PTPRE: variants seen among roughly 807,000 people sequenced by gnomAD.
PTPRE encodes protein tyrosine phosphatase receptor type E, also known as receptor-type tyrosine-protein phosphatase epsilon.
PTPRE carries 51 observed loss-of-function variants against 102.0 expected under a neutral mutation model. That is an observed-to-expected ratio of 0.50 (90% CI 0.40 to 0.63). The LOEUF (loss-of-function observed/expected upper bound fraction) is 0.63, where lower values mean the gene tolerates loss of function less well. PTPRE is among the 30% of genes least tolerant of loss of function. PTPRE has a pLI of 0.00. For synonymous variants in PTPRE, 345 were observed against 348.2 expected, an observed-to-expected ratio of 0.99 and a Z score of 0.10; for missense variants, 752 against 915.1, an observed-to-expected ratio of 0.82 and a Z score of 2.30.
At chr10:128,079,364 T>C (rs1590256125) in intron 19 of PTPRE, among the ~76,000 whole-genome samples, 196 bp from the exon 20 acceptor site, 1 of 152,324 alleles carries the variant, frequency 6.6e-6, no homozygotes, top group Non-Finnish European at 1.5e-5. Flanking sequence ...GGAGGTGTTT[T>C]AGGAATTTTA....
Position 128,047,425 on chromosome 10 carries a change from G to T in PTPRE, c.145G>T (p.Ala49Ser). The change falls in exon 4 of 21, where the codon GCC (alanine) becomes TCC (serine). Residue 49 changes from alanine to serine, a missense_variant. Around this residue, in one of 2 missense-constraint regions of PTPRE, gnomAD observed 116 missense variants for 90.8 expected, o/e 1.28. Transcript: ENST00000254667. ...PDPGASQPLL[A>S]WLLLPLLLLL... The stretch of plus-strand genomic sequence containing the variant: ...CCCGGGCGCCTCCCAGCCGCTGCTG[G>T]CCTGGCTGCTACTGCCGCTGCTGCT... 6.2e-7 allele frequency: 1 copy of T among 1,613,172 alleles called. No homozygotes were observed. The highest frequency in any genetic ancestry group is 2.2e-5 in the East Asian group (1 of 44,880).
At chr10:127,932,960 T>C (rs1847557683) in intron 1 of PTPRE, among the ~76,000 whole-genome samples, 1 of 152,190 alleles carries the variant, frequency 6.6e-6, no homozygotes, top group Admixed American at 6.5e-5. Context: ...CCCGATGCTT[T>C]AGCGGGTGGC....
intron 2 of PTPRE, among the ~76,000 whole-genome samples, chr10:128,004,646 A>G (rs1041253903): frequency 6.6e-6 from 1 of 152,182 alleles, no homozygotes. Flanking sequence ...CTCATTCATC[A>G]GTGGATGAAC....
intron 1 of PTPRE, among the ~76,000 whole-genome samples, chr10:127,978,800 C>A (rs190417214): frequency 2.5e-4 from 38 of 152,186 alleles, no homozygotes; most frequent in Admixed American, 1.8e-3. Context: ...GAGGGTGGAT[C>A]ACTTGAGGTC....
rs1033210761 is a variant in PTPRE, at chr10:128,079,668, T to G, written c.2001T>G (p.Leu667=). The G allele has an allele frequency of 6.2e-7, 1 of 1,613,718 alleles. No individual in the cohort carries two copies. The highest frequency in any genetic ancestry group is 8.5e-7 in the Non-Finnish European group (1 of 1,179,712). The change falls in exon 20 of 21, where the codon CTT becomes CTG. Residue 667 remains leucine, a synonymous_variant. Transcript: ENST00000254667. ...TTCAAGCTGTGAAGAGTTTACGACT[T>G]CAGAGACCACATATGGTGCAAACCC... is the stretch of plus-strand genomic sequence containing the variant. ...DVFQAVKSLR[L]QRPHMVQTLE...
At chr10:128,043,665 C>T (rs928443547) in intron 3 of PTPRE, among the ~76,000 whole-genome samples, 1 of 152,004 alleles carries the variant, frequency 6.6e-6, no homozygotes, top group Non-Finnish European at 1.5e-5. Flanking sequence ...GAAACACTTG[C>T]GAGACACAAA....
chr10:127,907,659 G>C lies in PTPRE; in HGVS notation c.-31+350G>C, dbSNP rs1330426904. ...GGGGGCCGGCGGCAGGGCGGCGTAC[G>C]TGAAAGCGGGCGACACAGAGAGGGG... On this transcript the variant is annotated intron_variant, in intron 1 of 20. Coordinates refer to ENST00000254667, the MANE Select transcript of PTPRE (RefSeq NM_006504.6). The surrounding 1 kb of genome is among the most constrained non-coding windows in gnomAD (Gnocchi z 4.8). Among the ~76,000 whole-genome samples, 2 of 152,114 alleles carry C rather than the reference G, an allele frequency of 1.3e-5. No homozygotes were observed. Among genetic ancestry groups the C allele is most frequent in the Admixed American group, 6.5e-5 (1 of 15,286 alleles).
intron 2 of PTPRE, among the ~76,000 whole-genome samples, chr10:128,013,445 A>C (rs1251708829): frequency 6.6e-6 from 1 of 152,174 alleles, no homozygotes; most frequent in African/African-American, 2.4e-5. Context: ...AGTAGAAAGG[A>C]GTTTGATGGA....
At chr10:127,911,220 A>G (rs745315746) in intron 1 of PTPRE, among the ~76,000 whole-genome samples, 3 of 152,234 alleles carry the variant, frequency 2.0e-5, no homozygotes, top group Non-Finnish European at 4.4e-5. Flanking sequence ...TAATTTTTGC[A>G]TGGCAATCTA....
rs143511195 is a variant in PTPRE, at chr10:128,070,900, G to A, written c.1386G>A (p.Pro462=). 7 of 1,613,144 alleles carry A rather than the reference G, an allele frequency of 4.3e-6. No homozygotes were observed. Among genetic ancestry groups the A allele is most frequent in the Admixed American group, 1.7e-5 (1 of 60,010 alleles). ...MKKARVIQII[P]YDFNRVILSM... The stretch of plus-strand genomic sequence containing the variant: ...AGGCCAGGGTCATCCAGATCATCCC[G>A]TGTAAGGCACCCGTGGCGTGGCTTG... The change falls in exon 15 of 21, where the codon CCG becomes CCA. Residue 462 remains proline, a splice_region_variant and synonymous_variant. Coordinates refer to ENST00000254667, the MANE Select transcript of PTPRE (RefSeq NM_006504.6). This position sits in a 1 kb window ranked among gnomAD's most constrained non-coding sequence, Gnocchi z 4.8.
chr10:127,970,196 C>T (rs898664977), intron 1 of PTPRE, among the ~76,000 whole-genome samples: 1 of 152,198 alleles, frequency 6.6e-6, no homozygotes, highest in Non-Finnish European at 1.5e-5. Context: ...AGGGAGGGAA[C>T]TTGGGTGGGG....
chr10:127,975,032 C>T (rs763664211), intron 1 of PTPRE, among the ~76,000 whole-genome samples: 5 of 152,160 alleles, frequency 3.3e-5, no homozygotes, highest in African/African-American at 4.8e-5. Flanking sequence ...AGGAGGGATA[C>T]AACCAGGGCA....
intron 2 of PTPRE, among the ~76,000 whole-genome samples, chr10:127,997,439 G>A (rs1428324168): frequency 6.6e-6 from 1 of 152,218 alleles, no homozygotes; most frequent in Non-Finnish European, 1.5e-5. Flanking sequence ...AGCCTCAGAG[G>A]ACCAGCGTCG....
At chr10:128,007,131 G>A (rs529749994) in intron 2 of PTPRE, among the ~76,000 whole-genome samples, 1 of 152,084 alleles carries the variant, frequency 6.6e-6, no homozygotes, top group African/African-American at 2.4e-5. Flanking sequence ...CAAGCAAGGG[G>A]TTCTCTCTCA....
chr10:128,019,664 G>A (rs1319016912), intron 2 of PTPRE, among the ~76,000 whole-genome samples: 3 of 149,144 alleles, frequency 2.0e-5, no homozygotes, highest in Non-Finnish European at 4.5e-5. Flanking sequence ...CATTAAGCAC[G>A]TGTTCATCAG....
At chr10:127,917,417 C>T (rs1846287288) in intron 1 of PTPRE, among the ~76,000 whole-genome samples, 1 of 152,148 alleles carries the variant, frequency 6.6e-6, no homozygotes. Flanking sequence ...TGCAGTGGCT[C>T]ATGCCTGTAA....
chr10:127,909,504 C>G (rs569029447), intron 1 of PTPRE, among the ~76,000 whole-genome samples: 1 of 152,300 alleles, frequency 6.6e-6, no homozygotes, highest in Admixed American at 6.5e-5. Context: ...AGTTCTCCTC[C>G]GCAGCTGCCC....
chr10:128,063,249 T>A, intron 10 of PTPRE, 69 bp downstream of exon 10: 1 of 1,579,560 alleles, frequency 6.3e-7, no homozygotes, highest in Non-Finnish European at 8.6e-7. Flanking sequence ...GGGATGTTCT[T>A]ACCACTTCCT....
intron 2 of PTPRE, among the ~76,000 whole-genome samples, chr10:128,022,894 T>TC (rs1332909983): frequency 3.0e-4 from 45 of 152,224 alleles, no homozygotes; most frequent in Non-Finnish European, 5.6e-4. Context: ...GGAATTGTAG[T>TC]AATTTTGACA....
Sources: allele counts gnomAD v4.1 joint callset (sites outside exome capture counted in the v4.1 genomes callset), GRCh38; gene constraint gnomAD v4.1.1; regional missense constraint gnomAD v4.1.1; non-coding constraint Gnocchi (gnomAD v3.1); transcripts MANE v1.5; gene names NCBI Gene and HGNC (gene_info 2026-07-23, HGNC 2026-07-21).